Variants in MDGA2 observed in about 807,000 individuals in gnomAD.
The protein encoded by MDGA2 is MAM domain containing glycosylphosphatidylinositol anchor 2.
MDGA2 carries 40 observed loss-of-function variants against 117.8 expected under a neutral mutation model. That is an observed-to-expected ratio of 0.34 (90% CI 0.26 to 0.44). The LOEUF (loss-of-function observed/expected upper bound fraction) is 0.44, where lower values mean the gene tolerates loss of function less well. MDGA2 is among the 20% of genes least tolerant of loss of function. MDGA2 has a pLI of 1.00. For missense variants in MDGA2, 1,123 were observed against 1,250.6 expected (o/e 0.90, Z 1.54); for synonymous variants, 452 against 439.0 (o/e 1.03, Z -0.37).
intron 1 of MDGA2, among the ~76,000 whole-genome samples, chr14:47,543,373 G>A (rs1895391707): frequency 6.6e-6 from 1 of 152,030 alleles, no homozygotes; most frequent in South Asian, 2.1e-4. Flanking sequence ...ACAACATCAG[G>A]AACGGAGTTC....
At chr14:47,201,035 C>T in intron 3 of MDGA2, 2 of 1,115,804 alleles carry the variant, frequency 1.8e-6, no homozygotes. Flanking sequence ...ACCTGTTTAG[C>T]CACAATGGCC....
chr14:47,254,895 A>G (rs982574220), intron 2 of MDGA2, among the ~76,000 whole-genome samples: 1 of 152,246 alleles, frequency 6.6e-6, no homozygotes, highest in Non-Finnish European at 1.5e-5. Context: ...TCTTCTTCAC[A>G]TAGCAGCAGG....
At chr14:47,581,488 T>G (rs2138840774) in intron 1 of MDGA2, among the ~76,000 whole-genome samples, 1 of 152,104 alleles carries the variant, frequency 6.6e-6, no homozygotes, top group South Asian at 2.1e-4. Context: ...TGAACTTAGC[T>G]GAGTAACATG....
At chr14:47,036,971 T>C (rs1209370617) in intron 7 of MDGA2, among the ~76,000 whole-genome samples, 1 of 152,246 alleles carries the variant, frequency 6.6e-6, no homozygotes, top group Non-Finnish European at 1.5e-5. Flanking sequence ...AGTAGATATA[T>C]ACATCCTAGA....
intron 2 of MDGA2, among the ~76,000 whole-genome samples, chr14:47,300,714 G>A (rs1336320964): frequency 6.6e-6 from 1 of 151,396 alleles, no homozygotes; most frequent in Non-Finnish European, 1.5e-5. Flanking sequence ...GCCCAGGCTG[G>A]TCGCCAACTT....
At chr14:46,893,223 A>C (rs1460657874) in intron 10 of MDGA2, among the ~76,000 whole-genome samples, 1 of 152,020 alleles carries the variant, frequency 6.6e-6, no homozygotes, top group African/African-American at 2.4e-5. Context: ...GAATTAAGCT[A>C]AGTAAAATAA....
intron 1 of MDGA2, among the ~76,000 whole-genome samples, chr14:47,468,947 C>A (rs1463049866): frequency 6.6e-6 from 1 of 151,958 alleles, no homozygotes; most frequent in Non-Finnish European, 1.5e-5. Flanking sequence ...AATATTTTTT[C>A]AGGTTTTACA....
intron 15 of MDGA2, 151 bp from the exon 16 acceptor site, chr14:46,846,022 T>A: frequency 1.6e-6 from 1 of 631,854 alleles, no homozygotes; most frequent in South Asian, 2.0e-5. Flanking sequence ...GCAGAAAACA[T>A]AAACTTTCAT....
chr14:47,013,070 G>A (rs1887952276), intron 8 of MDGA2, among the ~76,000 whole-genome samples: 1 of 152,082 alleles, frequency 6.6e-6, no homozygotes, highest in South Asian at 2.1e-4. Context: ...ACCGGCCTGT[G>A]GCGATTTCTT....
intron 8 of MDGA2, among the ~76,000 whole-genome samples, chr14:46,980,660 T>C (rs1238069465): frequency 6.6e-6 from 1 of 152,108 alleles, no homozygotes; most frequent in Non-Finnish European, 1.5e-5. Flanking sequence ...TCTTAAGAAA[T>C]TGCCACAGCC....
chr14:47,117,240 C>T (rs1881380658), intron 5 of MDGA2, among the ~76,000 whole-genome samples: 1 of 152,034 alleles, frequency 6.6e-6, no homozygotes, highest in Admixed American at 6.5e-5. Context: ...ATGACTACTA[C>T]TTTTAAAGAA....
chr14:47,427,691 G>T (rs948344224), intron 1 of MDGA2, among the ~76,000 whole-genome samples: 1 of 152,116 alleles, frequency 6.6e-6, no homozygotes, highest in Admixed American at 6.6e-5. Context: ...TCTTTCCTGG[G>T]ATGTCACGTA....
At chr14:47,540,563 T>TATATATATATATATATATAC (rs370481455) in intron 1 of MDGA2, among the ~76,000 whole-genome samples, 111 of 112,448 alleles carry the variant, frequency 9.9e-4, no homozygotes, top group Non-Finnish European at 1.7e-3. Flanking sequence ...TGTATATATA[T>TATATATATATATATATATAC]ACACACACAC....
chr14:47,531,194 A>G (rs1230778852), intron 1 of MDGA2, among the ~76,000 whole-genome samples: 2 of 152,136 alleles, frequency 1.3e-5, no homozygotes, highest in African/African-American at 2.4e-5. Context: ...GCAGTGAGCC[A>G]AGATCATGCC....
intron 1 of MDGA2, among the ~76,000 whole-genome samples, chr14:47,653,142 T>G (rs531583468): frequency 6.6e-6 from 1 of 152,114 alleles, no homozygotes; most frequent in Non-Finnish European, 1.5e-5. Flanking sequence ...TAAGAACATG[T>G]GAAATTGCCA....
chr14:47,284,794 C>G (rs540546962), intron 2 of MDGA2, among the ~76,000 whole-genome samples: 1 of 152,144 alleles, frequency 6.6e-6, no homozygotes, highest in South Asian at 2.1e-4. Context: ...TAAGAAACTG[C>G]CTAAGAAGCA....
chr14:47,424,459 A>G (rs1892644448), intron 1 of MDGA2, among the ~76,000 whole-genome samples: 1 of 151,952 alleles, frequency 6.6e-6, no homozygotes, highest in Non-Finnish European at 1.5e-5. Flanking sequence ...TGAGGTTCAG[A>G]GTGACTGAAT....
At chr14:46,955,523 C>T (rs902225555) in intron 9 of MDGA2, among the ~76,000 whole-genome samples, 2 of 152,012 alleles carry the variant, frequency 1.3e-5, no homozygotes, top group Non-Finnish European at 2.9e-5. Context: ...CCTTTGCTTA[C>T]TTTGTTCTTT....
chr14:46,913,721 C>T (rs12589430), intron 10 of MDGA2, among the ~76,000 whole-genome samples: 5,647 of 152,220 alleles, frequency 0.037, 292 homozygotes, highest in East Asian at 0.21. Flanking sequence ...GAAGTTTGCA[C>T]CTCAGTGATC....
Sources: allele counts gnomAD v4.1 joint callset (sites outside exome capture counted in the v4.1 genomes callset), GRCh38; gene constraint gnomAD v4.1.1; transcripts MANE v1.5; gene names NCBI Gene and HGNC (gene_info 2026-07-23, HGNC 2026-07-21).